The following TTC28 variants were observed in gnomAD, a reference collection of about 807,000 sequenced individuals.
TTC28 encodes tetratricopeptide repeat domain 28, also known as tetratricopeptide repeat protein 28.
Under a neutral mutation model 198.0 loss-of-function variants are expected in TTC28, and 61 were observed. That is an observed-to-expected ratio of 0.31 (90% CI 0.25 to 0.38). The LOEUF is 0.38. Ranked by LOEUF, TTC28 falls within the 10% of genes least tolerant of loss-of-function variation. The probability of loss-of-function intolerance (pLI) is 1.00; values close to 1 mark genes in which losing one functional copy is unlikely to be tolerated. For synonymous variants in TTC28, 1,171 were observed against 1,297.8 expected, an observed-to-expected ratio of 0.90 and a Z score of 2.10; for missense variants, 2,678 against 3,164.0, an observed-to-expected ratio of 0.85 and a Z score of 3.69.
rs570277226 is a variant in TTC28, at chr22:28,224,140, G to A, written c.934-60541C>T. 2.5e-3 allele frequency among the ~76,000 whole-genome samples: 383 copies of A among 152,242 alleles called. 3 individuals are homozygous for A. Among genetic ancestry groups the A allele is most frequent in the Middle Eastern group, 0.017 (5 of 294 alleles). On this transcript the variant is annotated intron_variant, in intron 5 of 22. Transcript: ENST00000397906. ...TAATCATCCTACGATGCACAGAACAGACCCCCACAATAACGGAGGACCCAG... is the reference window on the plus strand; with the variant it reads ...TAATCATCCTACGATGCACAGAACAAACCCCCACAATAACGGAGGACCCAG...
intron 12 of TTC28, among the ~76,000 whole-genome samples, chr22:28,059,860 C>G (rs1940442768): frequency 7.0e-6 from 1 of 143,716 alleles, no homozygotes; most frequent in Non-Finnish European, 1.6e-5. Flanking sequence ...TTTAATCTGA[C>G]TGAAGGCACT....
At chr22:28,014,146 T>G (rs1028835858) in intron 14 of TTC28, 102 bp downstream of exon 14, 76 of 1,386,892 alleles carry the variant, frequency 5.5e-5, no homozygotes, top group Non-Finnish European at 6.8e-5. Flanking sequence ...TCCGGTTGTC[T>G]CGGGAGCCCA....
At chr22:28,103,094 G>A (rs1230103686) in intron 8 of TTC28, among the ~76,000 whole-genome samples, 2 of 152,330 alleles carry the variant, frequency 1.3e-5, no homozygotes, top group South Asian at 4.1e-4. Context: ...TCCTCAGCAT[G>A]TAGGACTCTA....
intron 2 of TTC28, among the ~76,000 whole-genome samples, chr22:28,370,980 A>C (rs981112100): frequency 8.5e-5 from 13 of 152,194 alleles, no homozygotes; most frequent in Admixed American, 2.0e-4. Context: ...CTGACACTAC[A>C]GTTAACTCAA....
intron 14 of TTC28, chr22:28,008,293 C>T (rs562293052): frequency 2.6e-5 from 4 of 152,348 alleles, no homozygotes; most frequent in Non-Finnish European, 5.9e-5. Flanking sequence ...GCCGAGCCCT[C>T]GGCAGAGCTA....
chr22:28,421,545 T>C (rs1374702754), intron 2 of TTC28, among the ~76,000 whole-genome samples: 1 of 152,236 alleles, frequency 6.6e-6, no homozygotes, highest in Non-Finnish European at 1.5e-5. Flanking sequence ...TATCAATTAA[T>C]GGATAATTAT....
chr22:28,662,995 T>A (rs1490749084), intron 1 of TTC28, among the ~76,000 whole-genome samples: 4 of 152,052 alleles, frequency 2.6e-5, no homozygotes, highest in African/African-American at 4.8e-5. Flanking sequence ...ACACCTGTAA[T>A]CCCAGTACTT....
At chr22:28,249,706 C>T (rs548692073) in intron 5 of TTC28, among the ~76,000 whole-genome samples, 2 of 152,352 alleles carry the variant, frequency 1.3e-5, no homozygotes, top group South Asian at 2.1e-4. Context: ...ATGCCCTCCA[C>T]GTTGCCTTGA....
At chr22:28,310,303 AG>A (rs1224175296) in intron 2 of TTC28, among the ~76,000 whole-genome samples, 2 of 152,236 alleles carry the variant, frequency 1.3e-5, no homozygotes, top group Non-Finnish European at 2.9e-5. Flanking sequence ...AAAATTTCAG[AG>A]GTAACAAAAA....
chr22:28,086,091 T>A (rs1440389491), intron 12 of TTC28, among the ~76,000 whole-genome samples: 1 of 152,076 alleles, frequency 6.6e-6, no homozygotes, highest in African/African-American at 2.4e-5. Context: ...ACTGTCAACA[T>A]TAGACAGATC....
intron 2 of TTC28, among the ~76,000 whole-genome samples, chr22:28,311,265 A>C (rs1246264093): frequency 1.3e-5 from 2 of 150,316 alleles, no homozygotes; most frequent in African/African-American, 2.5e-5. Flanking sequence ...TTTTCCCTTT[A>C]TTTTAAAGAT....
chr22:28,447,904 G>A (rs939404908), intron 2 of TTC28, among the ~76,000 whole-genome samples: 3 of 152,012 alleles, frequency 2.0e-5, no homozygotes, highest in Admixed American at 6.6e-5. Flanking sequence ...GGTACCACTC[G>A]ACAGAGGACT....
At chr22:28,289,182 C>T (rs1427390023) in intron 5 of TTC28, among the ~76,000 whole-genome samples, 1 of 152,024 alleles carries the variant, frequency 6.6e-6, no homozygotes, top group East Asian at 1.9e-4. Flanking sequence ...GGCAACAGGA[C>T]AATGGTGAAT....
At chr22:28,152,932 T>G (rs940860341) in intron 6 of TTC28, among the ~76,000 whole-genome samples, 1 of 152,126 alleles carries the variant, frequency 6.6e-6, no homozygotes, top group Admixed American at 6.5e-5. Context: ...CAAAAGTAAT[T>G]TTTTAAAAAT....
intron 2 of TTC28, among the ~76,000 whole-genome samples, chr22:28,351,455 G>A (rs563196567): frequency 2.0e-5 from 3 of 152,264 alleles, no homozygotes; most frequent in Admixed American, 6.5e-5. Flanking sequence ...TATATGCTTT[G>A]AGACGTGAAA....
At chr22:28,036,703 C>T (rs1173970357) in intron 12 of TTC28, among the ~76,000 whole-genome samples, 1 of 152,084 alleles carries the variant, frequency 6.6e-6, no homozygotes, top group African/African-American at 2.4e-5. Context: ...ACATAAAAAA[C>T]CCTTTAAAAA....
chr22:28,323,148 G>C (rs1449012465), intron 2 of TTC28, among the ~76,000 whole-genome samples: 1 of 152,114 alleles, frequency 6.6e-6, no homozygotes, highest in Admixed American at 6.5e-5. Context: ...GCAATCTCAG[G>C]CTAGTCACTT....
At chr22:28,238,631 A>G (rs1217090831) in intron 5 of TTC28, among the ~76,000 whole-genome samples, 1 of 152,100 alleles carries the variant, frequency 6.6e-6, no homozygotes, top group African/African-American at 2.4e-5. Flanking sequence ...GTTTAGTTCT[A>G]CTTCTAAGAT....
At chr22:28,061,012 T>C (rs1474413648) in intron 12 of TTC28, among the ~76,000 whole-genome samples, 2 of 152,250 alleles carry the variant, frequency 1.3e-5, no homozygotes, top group Non-Finnish European at 2.9e-5. Flanking sequence ...GCTGCATAAA[T>C]GTCTTCCTTT....
Sources: allele counts gnomAD v4.1 joint callset (sites outside exome capture counted in the v4.1 genomes callset), GRCh38; gene constraint gnomAD v4.1.1; transcripts MANE v1.5; gene names NCBI Gene and HGNC (gene_info 2026-07-23, HGNC 2026-07-21).